NIPBL: variants seen among roughly 807,000 people sequenced by gnomAD.
NIPBL encodes the protein nipped-B-like protein.
In NIPBL, 19 loss-of-function variants were observed where a neutral mutation model predicts 321.8. The ratio of observed to expected loss-of-function variants is 0.06; its 90% CI spans 0.04 to 0.09. The LOEUF (loss-of-function observed/expected upper bound fraction) is 0.09, where lower values mean the gene tolerates loss of function less well. Among genes scored for constraint, NIPBL ranks in the 10% least tolerant of loss-of-function variants. NIPBL has a pLI of 1.00. For synonymous variants in NIPBL, 1,106 were observed against 1,114.1 expected, an observed-to-expected ratio of 0.99 and a Z score of 0.14; for missense variants, 2,210 against 3,327.0, an observed-to-expected ratio of 0.66 and a Z score of 8.26.
intron 1 of NIPBL, among the ~76,000 whole-genome samples, chr5:36,945,227 G>A (rs1291895391): frequency 6.6e-6 from 1 of 152,050 alleles, no homozygotes; most frequent in East Asian, 1.9e-4. Flanking sequence ...TCCTGAGGTA[G>A]TTTGTAGTTT....
At chr5:36,878,721 A>G (rs1269852559) in intron 1 of NIPBL, among the ~76,000 whole-genome samples, 4 of 152,208 alleles carry the variant, frequency 2.6e-5, no homozygotes, top group African/African-American at 9.7e-5. Flanking sequence ...GTACGGATAA[A>G]TGTTTAAAAG....
intron 9 of NIPBL, among the ~76,000 whole-genome samples, chr5:36,981,470 A>G (rs957693919): frequency 6.6e-6 from 1 of 151,662 alleles, no homozygotes; most frequent in African/African-American, 2.4e-5. Flanking sequence ...TTCTTTGAGC[A>G]GTTCTGTATA....
chr5:36,914,282 A>C (rs911619563), intron 1 of NIPBL, among the ~76,000 whole-genome samples: 3 of 152,224 alleles, frequency 2.0e-5, no homozygotes, highest in African/African-American at 7.2e-5. Context: ...CACATATTGT[A>C]CTTCATCTCA....
chr5:37,044,819 CGAG>C (rs1359622670), intron 36 of NIPBL, 90 bp downstream of exon 36: 4 of 897,864 alleles, frequency 4.5e-6, no homozygotes, highest in Non-Finnish European at 7.3e-6. Context: ...AGGCTAGACT[CGAG>C]GAAATTATGA....
intron 10 of NIPBL, among the ~76,000 whole-genome samples, chr5:36,993,131 G>C (rs1354614486): frequency 2.0e-5 from 3 of 152,164 alleles, no homozygotes; most frequent in Non-Finnish European, 4.4e-5. Context: ...GGTTAATTCA[G>C]AAAATGTGTG....
chr5:37,012,139 C>CTTTTTTTTT (rs550899153), intron 21 of NIPBL, among the ~76,000 whole-genome samples: 1 of 139,446 alleles, frequency 7.2e-6, no homozygotes, highest in Non-Finnish European at 1.6e-5. Context: ...CTTTAAATTT[C>CTTTTTTTTT]TTTTTTTTTT....
In NIPBL at chr5:36,883,297, T is replaced by C. The variant is rs144048906; in HGVS notation, c.-80+6119T>C. Among the ~76,000 whole-genome samples, 1,236 of 152,026 alleles carry C rather than the reference T, an allele frequency of 8.1e-3. 12 individuals are homozygous for C. The highest frequency in any genetic ancestry group is 0.028 in the African/African-American group (1,174 of 41,534). On this transcript the variant is annotated intron_variant, in intron 1 of 46. Transcript: ENST00000282516. ...CCAATTTCCTTTGAGTTCTCTTTTG[T>C]ACATATTTCTCCTTTGACAGAAAAG...
At chr5:37,063,632 T>C (rs1038354507) in intron 45 of NIPBL, among the ~76,000 whole-genome samples, 158 bp from the exon 46 acceptor site, 5 of 152,246 alleles carry the variant, frequency 3.3e-5, no homozygotes, top group Admixed American at 2.0e-4. Context: ...ATTTACCACC[T>C]GGCTGTTTAC....
chr5:36,917,339 G>C (rs901753354), intron 1 of NIPBL, among the ~76,000 whole-genome samples: 2 of 152,070 alleles, frequency 1.3e-5, no homozygotes, highest in Non-Finnish European at 2.9e-5. Flanking sequence ...TGATGGGGTT[G>C]TTTTTTTCTT....
intron 2 of NIPBL, among the ~76,000 whole-genome samples, chr5:36,954,102 G>A (rs1202439226): frequency 6.6e-6 from 1 of 152,070 alleles, no homozygotes; most frequent in African/African-American, 2.4e-5. Context: ...TTAGGCATTT[G>A]TAACTATAAT....
At chr5:36,885,282 C>A in intron 1 of NIPBL, 1 of 505,564 alleles carries the variant, frequency 2.0e-6, no homozygotes. Context: ...AGCTATGGTG[C>A]CTGACTGGTC....
At chr5:36,882,301 T>C (rs562301272) in intron 1 of NIPBL, among the ~76,000 whole-genome samples, 3 of 152,100 alleles carry the variant, frequency 2.0e-5, no homozygotes, top group African/African-American at 7.2e-5. Context: ...GAGTGCTTTA[T>C]GTTTGTAATA....
chr5:36,910,240 CCTTT>C (rs1358911604), intron 1 of NIPBL, among the ~76,000 whole-genome samples: 5 of 152,214 alleles, frequency 3.3e-5, no homozygotes, highest in Middle Eastern at 3.4e-3. Flanking sequence ...AATAATACTT[CCTTT>C]GTTTTTCTAG....
intron 11 of NIPBL, among the ~76,000 whole-genome samples, chr5:36,997,860 C>T (rs1381738107): frequency 6.6e-6 from 1 of 151,988 alleles, no homozygotes; most frequent in East Asian, 1.9e-4. Flanking sequence ...CGTTAAGTTG[C>T]AAGCATTATG....
chr5:36,951,123 T>TAAA (rs1403534573), intron 1 of NIPBL, among the ~76,000 whole-genome samples: 8 of 152,136 alleles, frequency 5.3e-5, no homozygotes, highest in Non-Finnish European at 1.2e-4. Flanking sequence ...TTACTCCCAG[T>TAAA]GTTTACTTGA....
chr5:37,015,912 T>C (rs1271318207), intron 22 of NIPBL, 126 bp from the exon 23 acceptor site: 3 of 806,982 alleles, frequency 3.7e-6, no homozygotes, highest in Non-Finnish European at 6.1e-6. Flanking sequence ...TAATGTACAT[T>C]TATATATTTT....
At position 37,006,410 on chromosome 5, in the gene NIPBL, A is replaced by G; in HGVS notation, c.3909A>G (p.Arg1303=). 1 of 1,612,436 alleles carries G rather than the reference A, an allele frequency of 6.2e-7. No homozygotes were observed. Among genetic ancestry groups the G allele is most frequent in the Middle Eastern group, 1.7e-4 (1 of 6,056 alleles). The stretch of plus-strand genomic sequence containing the variant: ...TATGGAGAGACCTTATTATGGAGAG[A>G]GTTACAAAATCAGCGGATGCTTGTC... ...ERLWRDLIME[R]VTKSADACLT... Residue 1303 remains arginine, a synonymous_variant, in exon 17 of 47, where the codon AGA becomes AGG. Transcript: ENST00000282516.
At chr5:37,014,808 A>G in intron 22 of NIPBL, 43 bp downstream of exon 22, 2 of 1,107,176 alleles carry the variant, frequency 1.8e-6, no homozygotes, top group Non-Finnish European at 2.8e-6. Flanking sequence ...TTTCCACAGT[A>G]TAGAGAATAG....
intron 1 of NIPBL, among the ~76,000 whole-genome samples, chr5:36,877,459 A>G (rs898485854): frequency 2.0e-5 from 3 of 152,080 alleles, no homozygotes; most frequent in African/African-American, 7.2e-5. Context: ...AGCGGAATCT[A>G]CTTGAGCTCG....
Sources: allele counts gnomAD v4.1 joint callset (sites outside exome capture counted in the v4.1 genomes callset), GRCh38; gene constraint gnomAD v4.1.1; transcripts MANE v1.5; gene names NCBI Gene and HGNC (gene_info 2026-07-23, HGNC 2026-07-21).